The following PRKN variants were observed in gnomAD, a reference collection of about 807,000 sequenced individuals.
PRKN encodes the protein E3 ubiquitin-protein ligase parkin.
Under a neutral mutation model 59.5 loss-of-function variants are expected in PRKN, and 56 were observed. The observed-to-expected ratio is 0.94, with a 90% CI of 0.76 to 1.18. The LOEUF (loss-of-function observed/expected upper bound fraction) is 1.18. PRKN is among the 50% of genes most tolerant of loss of function. The pLI, the probability that PRKN is intolerant of heterozygous loss-of-function variation, is 0.00. For synonymous variants in PRKN, 250 were observed against 222.1 expected, an observed-to-expected ratio of 1.13 and a Z score of -1.12; for missense variants, 657 against 596.4, an observed-to-expected ratio of 1.10 and a Z score of -1.06.
chr6:162,549,951 T>C (rs1221072171), intron 1 of PRKN, among the ~76,000 whole-genome samples: 1 of 152,100 alleles, frequency 6.6e-6, no homozygotes, highest in Non-Finnish European at 1.5e-5. Context: ...ATCTCTTTAA[T>C]AGGGATTAAT....
intron 5 of PRKN, among the ~76,000 whole-genome samples, chr6:161,977,692 C>G (rs902961995): frequency 6.6e-6 from 1 of 151,282 alleles, no homozygotes; most frequent in Admixed American, 6.6e-5. Context: ...GACCACAAGG[C>G]GCCCGCCACC....
chr6:162,010,201 T>TTTG (rs1782437786), intron 5 of PRKN, among the ~76,000 whole-genome samples: 1 of 139,048 alleles, frequency 7.2e-6, no homozygotes, highest in African/African-American at 2.7e-5. Flanking sequence ...AACAAATTTC[T>TTTG]GATATATATA....
At chr6:161,636,610 G>A (rs759614830) in intron 7 of PRKN, among the ~76,000 whole-genome samples, 8 of 152,198 alleles carry the variant, frequency 5.3e-5, no homozygotes, top group Non-Finnish European at 1.2e-4. Flanking sequence ...ATGCCCATGG[G>A]AAGGATGGAA....
intron 6 of PRKN, among the ~76,000 whole-genome samples, chr6:161,841,353 C>CTTT (rs35323590): frequency 2.8e-5 from 4 of 142,878 alleles, no homozygotes; most frequent in South Asian, 2.2e-4. Flanking sequence ...TTTCTTTTTC[C>CTTT]TTTTTTTTTT....
At position 162,178,337 on chromosome 6, in the gene PRKN, G is replaced by A. The variant is rs565085512; in HGVS notation, c.534+22794C>T. On this transcript the variant is annotated intron_variant, in intron 4 of 11. Coordinates refer to ENST00000366898, the MANE Select transcript of PRKN (RefSeq NM_004562.3). ...TCTTTTGACATGCTTAATTCAATGA[G>A]CAAATTGTAATGGGCCTATCCCTTA... 9.8e-5 allele frequency among the ~76,000 whole-genome samples: 15 copies of A among 152,312 alleles called. No homozygotes were observed. In the South Asian group the frequency reaches 2.7e-3, roughly 27 times the overall value.
chr6:161,757,987 A>T (rs1372712945), intron 7 of PRKN, among the ~76,000 whole-genome samples: 2 of 147,158 alleles, frequency 1.4e-5, no homozygotes, highest in East Asian at 2.0e-4. Context: ...ATTTAACATC[A>T]TTAGTCATTA....
intron 5 of PRKN, among the ~76,000 whole-genome samples, chr6:162,025,436 C>T (rs114954496): frequency 0.011 from 1,668 of 151,938 alleles, 35 homozygotes; most frequent in African/African-American, 0.037. Flanking sequence ...TTTTCTAATC[C>T]GTGTCATGTC....
intron 7 of PRKN, among the ~76,000 whole-genome samples, chr6:161,779,231 C>T (rs779450017): frequency 2.0e-5 from 3 of 152,010 alleles, no homozygotes; most frequent in Non-Finnish European, 4.4e-5. Flanking sequence ...TGAGCCACTG[C>T]GCCTAGCCAA....
At chr6:162,553,746 G>A (rs1443122419) in intron 1 of PRKN, among the ~76,000 whole-genome samples, 3 of 131,218 alleles carry the variant, frequency 2.3e-5, no homozygotes, top group African/African-American at 8.3e-5. Context: ...AGGTTGCAGT[G>A]AGACGAGATT....
intron 1 of PRKN, among the ~76,000 whole-genome samples, chr6:162,584,217 AAAAAAAACAAAAAACAAAAAACAAAAAAC>A (rs1562408213): frequency 8.1e-6 from 1 of 122,748 alleles, no homozygotes; most frequent in Non-Finnish European, 1.7e-5. Context: ...CGTCTCAAAA[AAAAAAAACAAAAAACAAAAAACAAAAAAC>A]AAAAAAAAAA....
chr6:161,849,442 T>A (rs1375933881), intron 6 of PRKN, among the ~76,000 whole-genome samples: 1 of 152,206 alleles, frequency 6.6e-6, no homozygotes, highest in East Asian at 1.9e-4. Flanking sequence ...TTTTTTGTAC[T>A]CATTTAATAG....
At chr6:162,271,061 C>A (rs1780366626) in intron 2 of PRKN, among the ~76,000 whole-genome samples, 1 of 129,504 alleles carries the variant, frequency 7.7e-6, no homozygotes, top group South Asian at 2.5e-4. Context: ...CTCACTTATG[C>A]TGCCCAGGCT....
intron 10 of PRKN, among the ~76,000 whole-genome samples, chr6:161,381,789 C>T (rs35812310): frequency 0.061 from 9,353 of 152,120 alleles, 344 homozygotes; most frequent in Non-Finnish European, 0.085. Context: ...ATACAGGATG[C>T]GACAGGCACA....
intron 2 of PRKN, among the ~76,000 whole-genome samples, chr6:162,336,160 T>A (rs888558850): frequency 6.6e-6 from 1 of 152,108 alleles, no homozygotes; most frequent in Non-Finnish European, 1.5e-5. Context: ...AGACTGTTTG[T>A]CATTTTTCCA....
At chr6:162,649,459 C>T (rs1778331682) in intron 1 of PRKN, among the ~76,000 whole-genome samples, 1 of 152,034 alleles carries the variant, frequency 6.6e-6, no homozygotes, top group African/African-American at 2.4e-5. Context: ...TCATCTAAGT[C>T]TCTAGTGAAA....
intron 2 of PRKN, among the ~76,000 whole-genome samples, chr6:162,283,607 C>T (rs536914977): frequency 2.1e-4 from 32 of 152,294 alleles, no homozygotes; most frequent in South Asian, 8.3e-4. Context: ...CTGCAACCTC[C>T]GCCTCCCAGA....
intron 1 of PRKN, among the ~76,000 whole-genome samples, chr6:162,612,438 G>A (rs1333112974): frequency 6.6e-6 from 1 of 151,490 alleles, no homozygotes; most frequent in Non-Finnish European, 1.5e-5. Context: ...TAGCGCAGTG[G>A]AAACCAGGGG....
At chr6:162,643,793 T>C (rs1778060812) in intron 1 of PRKN, 2 of 152,214 alleles carry the variant, frequency 1.3e-5, no homozygotes, top group East Asian at 1.9e-4. Flanking sequence ...TTTTGTCTTC[T>C]GAAGTACACT....
intron 2 of PRKN, among the ~76,000 whole-genome samples, chr6:162,306,585 G>T (rs1782238572): frequency 6.6e-6 from 1 of 152,138 alleles, no homozygotes; most frequent in African/African-American, 2.4e-5. Flanking sequence ...GTTTTCCCCT[G>T]GCTCTTTGAG....
Sources: gnomAD v4.1 joint callset for allele counts (sites outside exome capture counted in the v4.1 genomes callset) on GRCh38, gnomAD v4.1.1 for gene constraint, MANE v1.5 for transcripts, NCBI Gene and HGNC (gene_info 2026-07-23, HGNC 2026-07-21) for gene names.